The following ZNF423 variants were observed in gnomAD, a reference collection of about 807,000 sequenced individuals.
The protein encoded by ZNF423 is zinc finger protein 423, also known as Ebf-associated zinc finger protein.
In ZNF423, 12 loss-of-function variants were observed where a neutral mutation model predicts 95.8. The ratio of observed to expected loss-of-function variants is 0.13; its 90% CI spans 0.08 to 0.20. The LOEUF (loss-of-function observed/expected upper bound fraction) is 0.20. ZNF423 is among the 10% of genes least tolerant of loss of function. The pLI is 1.00. For synonymous variants in ZNF423, 749 were observed against 711.9 expected, an observed-to-expected ratio of 1.05 and a Z score of -0.83; for missense variants, 1,316 against 1,737.1, an observed-to-expected ratio of 0.76 and a Z score of 4.31.
chr16:49,651,422 G>A (rs1973397611), intron 3 of ZNF423, among the ~76,000 whole-genome samples: 1 of 152,122 alleles, frequency 6.6e-6, no homozygotes, highest in African/African-American at 2.4e-5. Flanking sequence ...TCTTGGAGGA[G>A]GGACCCCCAC....
chr16:49,810,367 C>T (rs1368401412), intron 1 of ZNF423, among the ~76,000 whole-genome samples: 1 of 152,158 alleles, frequency 6.6e-6, no homozygotes, highest in Non-Finnish European at 1.5e-5. Context: ...GCCACTGCTG[C>T]TCTCATTACC....
chr16:49,567,739 T>C (rs573265720), intron 5 of ZNF423, among the ~76,000 whole-genome samples: 1 of 152,296 alleles, frequency 6.6e-6, no homozygotes, highest in African/African-American at 2.4e-5. Context: ...CCTCTGCCCA[T>C]GTGGCCTCCA....
intron 7 of ZNF423, chr16:49,518,628 G>A (rs946801983): frequency 9.9e-6 from 4 of 404,968 alleles, no homozygotes; most frequent in African/African-American, 6.4e-5. Context: ...CTGCAACTCC[G>A]ACCTTCAGCC....
intron 2 of ZNF423, among the ~76,000 whole-genome samples, chr16:49,787,600 G>T (rs2034336497): frequency 6.6e-6 from 1 of 152,158 alleles, no homozygotes; most frequent in Non-Finnish European, 1.5e-5. Context: ...TGGAATTACA[G>T]AACTACAGAA....
chr16:49,805,221 T>A (rs2034643703), intron 1 of ZNF423, among the ~76,000 whole-genome samples: 1 of 152,108 alleles, frequency 6.6e-6, no homozygotes. Flanking sequence ...AGGGAAAGTC[T>A]CTCCATCTCC....
At chr16:49,594,804 A>C (rs1269408652) in intron 5 of ZNF423, among the ~76,000 whole-genome samples, 2 of 151,876 alleles carry the variant, frequency 1.3e-5, no homozygotes, top group Admixed American at 1.3e-4. Flanking sequence ...AGCAAGAACA[A>C]CATGATACAC....
At chr16:49,620,961 C>G (rs1187632358) in intron 5 of ZNF423, among the ~76,000 whole-genome samples, 1 of 152,224 alleles carries the variant, frequency 6.6e-6, no homozygotes, top group African/African-American at 2.4e-5. Flanking sequence ...CTGCTCCTCC[C>G]TTCCCAGCCG....
chr16:49,721,881 C>A (rs1224249700), intron 3 of ZNF423, among the ~76,000 whole-genome samples: 1 of 152,152 alleles, frequency 6.6e-6, no homozygotes, highest in Non-Finnish European at 1.5e-5. Context: ...AATCTTCCCA[C>A]CTTGACCCCT....
intron 5 of ZNF423, among the ~76,000 whole-genome samples, chr16:49,613,184 T>A (rs967703885): frequency 6.6e-6 from 1 of 152,084 alleles, no homozygotes; most frequent in Admixed American, 6.6e-5. Flanking sequence ...TTCTAAGATA[T>A]ATATGGAAAG....
intron 7 of ZNF423, among the ~76,000 whole-genome samples, chr16:49,516,767 T>A (rs1189262849): frequency 6.6e-6 from 1 of 152,190 alleles, no homozygotes; most frequent in Non-Finnish European, 1.5e-5. Context: ...TATCATATGA[T>A]CCTACCCCCA....
At chr16:49,586,431 G>A (rs1970837284) in intron 5 of ZNF423, among the ~76,000 whole-genome samples, 1 of 152,230 alleles carries the variant, frequency 6.6e-6, no homozygotes, top group South Asian at 2.1e-4. Flanking sequence ...AGCCACTTTA[G>A]GAAGAGTCAA....
At chr16:49,499,114 CAGATGGCA>C (rs1198460287) in intron 7 of ZNF423, among the ~76,000 whole-genome samples, 6 of 152,170 alleles carry the variant, frequency 3.9e-5, no homozygotes, top group African/African-American at 1.4e-4. Flanking sequence ...CTCATTTACG[CAGATGGCA>C]GGGCAAGGTT....
chr16:49,656,814 T>C (rs1456305099), intron 3 of ZNF423, among the ~76,000 whole-genome samples: 1 of 152,216 alleles, frequency 6.6e-6, no homozygotes, highest in Non-Finnish European at 1.5e-5. Context: ...AAATGAGTTG[T>C]CTCATTTTAA....
At chr16:49,681,184 A>G (rs763373608) in intron 3 of ZNF423, among the ~76,000 whole-genome samples, 2 of 152,248 alleles carry the variant, frequency 1.3e-5, no homozygotes, top group Non-Finnish European at 2.9e-5. Flanking sequence ...TCCAATAGGA[A>G]AGGAAGCGAG....
intron 5 of ZNF423, among the ~76,000 whole-genome samples, chr16:49,565,912 A>G (rs1285713332): frequency 6.7e-6 from 1 of 149,254 alleles, no homozygotes; most frequent in Non-Finnish European, 1.5e-5. Flanking sequence ...AAGGGAGAGG[A>G]AGGGAGGGGA....
In ZNF423 at chr16:49,488,140, T is replaced by C. The variant is rs1303725207; in HGVS notation, c.*3135A>G. ...GGATGGATTTGAGTTTTGGTCCTAT[T>C]TACTGAATATTTATAGGTACAGGTT... On this transcript the variant is annotated 3_prime_UTR_variant, in exon 8 of 8. Coordinates refer to ENST00000563137, the MANE Select transcript of ZNF423 (RefSeq NM_001379286.1). 1 of 152,224 alleles carries C rather than the reference T, an allele frequency of 6.6e-6. No individual in the cohort carries two copies. Among genetic ancestry groups the C allele is most frequent in the Non-Finnish European group, 1.5e-5 (1 of 68,050 alleles). The allele number at this position is 152,224 out of a possible 1,614,324, so 9.4% of individuals were successfully genotyped here.
intron 2 of ZNF423, among the ~76,000 whole-genome samples, chr16:49,742,487 G>A (rs2033434769): frequency 6.6e-6 from 1 of 152,182 alleles, no homozygotes; most frequent in African/African-American, 2.4e-5. Context: ...GCCGCGTGCA[G>A]TAATGAAGAA....
At chr16:49,779,964 C>A (rs546964933) in intron 2 of ZNF423, among the ~76,000 whole-genome samples, 1 of 152,306 alleles carries the variant, frequency 6.6e-6, no homozygotes, top group African/African-American at 2.4e-5. Flanking sequence ...GCTGCAAAAT[C>A]TCAATGCCAG....
At chr16:49,622,835 A>AAAG (rs1972129575) in intron 5 of ZNF423, among the ~76,000 whole-genome samples, 1 of 152,314 alleles carries the variant, frequency 6.6e-6, no homozygotes, top group South Asian at 2.1e-4. Context: ...TGGCACATAG[A>AAAG]AAGGCTGAGT....
Sources: allele counts gnomAD v4.1 joint callset (sites outside exome capture counted in the v4.1 genomes callset), GRCh38; gene constraint gnomAD v4.1.1; transcripts MANE v1.5; gene names NCBI Gene and HGNC (gene_info 2026-07-23, HGNC 2026-07-21).